The following LRRC7 variants were observed in gnomAD, a reference collection of about 807,000 sequenced individuals.
LRRC7 encodes the protein leucine-rich repeat-containing protein 7.
Under a neutral mutation model 175.7 loss-of-function variants are expected in LRRC7, and 23 were observed. That is an observed-to-expected ratio of 0.13 (90% CI 0.09 to 0.19). The LOEUF (loss-of-function observed/expected upper bound fraction) is 0.19, where lower values mean the gene tolerates loss of function less well. Among genes scored for constraint, LRRC7 ranks in the 10% least tolerant of loss-of-function variants. The pLI is 1.00. For missense variants in LRRC7, 1,354 were observed against 1,904.7 expected (o/e 0.71, Z 5.38); for synonymous variants, 685 against 680.9 (o/e 1.01, Z -0.09).
chr1:69,682,274 C>T (rs1198532811), intron 2 of LRRC7, among the ~76,000 whole-genome samples: 1 of 152,038 alleles, frequency 6.6e-6, no homozygotes, highest in Non-Finnish European at 1.5e-5. Context: ...TTGATTAACT[C>T]AAAATGTGGG....
intron 2 of LRRC7, 131 bp from the exon 3 acceptor site, chr1:69,760,060 T>C (rs1212681297): frequency 1.5e-5 from 12 of 821,474 alleles, no homozygotes; most frequent in Non-Finnish European, 2.3e-5. Context: ...ACAATGCGTG[T>C]GTGTGTCCTA....
chr1:69,632,463 T>C (rs1451290090), intron 1 of LRRC7, among the ~76,000 whole-genome samples: 1 of 152,216 alleles, frequency 6.6e-6, no homozygotes, highest in Non-Finnish European at 1.5e-5. Context: ...TAATTTTGAT[T>C]AATCATTTTA....
At chr1:69,592,482 G>C (rs966004423) in intron 1 of LRRC7, among the ~76,000 whole-genome samples, 2 of 151,944 alleles carry the variant, frequency 1.3e-5, no homozygotes, top group Non-Finnish European at 2.9e-5. Context: ...GCTTTAAGTC[G>C]TTACATTAAA....
intron 7 of LRRC7, among the ~76,000 whole-genome samples, chr1:69,872,670 C>T (rs1423146375): frequency 6.6e-6 from 1 of 152,022 alleles, no homozygotes; most frequent in Non-Finnish European, 1.5e-5. Flanking sequence ...CCAAATTACA[C>T]ATATTTTCAT....
At chr1:70,032,286 A>G (rs1658828781) in intron 18 of LRRC7, among the ~76,000 whole-genome samples, 1 of 152,128 alleles carries the variant, frequency 6.6e-6, no homozygotes, top group Non-Finnish European at 1.5e-5. Flanking sequence ...TTGAGAATCA[A>G]GGGGTAGGGC....
Position 70,036,284 on chromosome 1 carries a change from T to G in LRRC7, c.2107+52T>G, listed in dbSNP as rs746995750. ...ATATGCTACAAATGCATGTGCATGA[T>G]GAATCGCCAGTTGTAAATTATGATA... On this transcript the variant is annotated intron_variant, in intron 19 of 26. Transcript: ENST00000651989. The G allele has an allele frequency of 5.4e-6, 8 of 1,488,376 alleles. No individual in the cohort carries two copies. In the Admixed American group the frequency reaches 1.4e-4, roughly 27 times the overall value. The allele number at this position is 1,488,376 out of a possible 1,614,324, so 92.2% of individuals were successfully genotyped here.
intron 1 of LRRC7, among the ~76,000 whole-genome samples, chr1:69,576,820 C>G (rs1211370205): frequency 6.6e-6 from 1 of 152,086 alleles, no homozygotes; most frequent in Non-Finnish European, 1.5e-5. Flanking sequence ...AATGTAATCC[C>G]ACACACCATT....
intron 3 of LRRC7, among the ~76,000 whole-genome samples, chr1:69,760,723 A>G (rs1670947641): frequency 6.6e-6 from 1 of 151,984 alleles, no homozygotes; most frequent in Admixed American, 6.6e-5. Flanking sequence ...GAAAAATATG[A>G]CACTACTCCA....
intron 3 of LRRC7, among the ~76,000 whole-genome samples, chr1:69,775,425 T>G (rs867668381): frequency 2.0e-5 from 3 of 152,336 alleles, no homozygotes; most frequent in Middle Eastern, 3.4e-3. Context: ...ATTCTAGAAG[T>G]GAGTCCAAAT....
intron 3 of LRRC7, among the ~76,000 whole-genome samples, chr1:69,769,101 C>A (rs918880118): frequency 6.6e-6 from 1 of 152,136 alleles, no homozygotes; most frequent in East Asian, 1.9e-4. Flanking sequence ...ACTATAGTTA[C>A]CAGTTATTAT....
chr1:69,856,806 AC>A (rs1683694421), intron 7 of LRRC7, among the ~76,000 whole-genome samples: 1 of 152,166 alleles, frequency 6.6e-6, no homozygotes, highest in Admixed American at 6.6e-5. Flanking sequence ...CAGAGACACA[AC>A]AAAAAAAGAG....
chr1:69,734,449 G>A (rs113633037), intron 2 of LRRC7, among the ~76,000 whole-genome samples: 9 of 151,930 alleles, frequency 5.9e-5, no homozygotes, highest in African/African-American at 2.2e-4. Context: ...TTATTTCTGA[G>A]TGAATAAGAG....
rs1330734794 is a variant in LRRC7, at chr1:70,097,796, A to AT, written c.4545+7983dup. On this transcript the variant is annotated intron_variant, in intron 25 of 26. Transcript: ENST00000651989. ...TCCCTACAAAGGACATGAACTCATC[A>AT]TTTTTTATGGCTGCATAGTATTCCA... Among the ~76,000 whole-genome samples, 138 of 151,098 alleles carry AT rather than the reference A, an allele frequency of 9.1e-4. 2 individuals are homozygous for AT. Among genetic ancestry groups the AT allele is most frequent in the African/African-American group, 3.1e-3 (128 of 41,078 alleles).
At chr1:69,715,701 G>A (rs899318925) in intron 2 of LRRC7, among the ~76,000 whole-genome samples, 4 of 151,786 alleles carry the variant, frequency 2.6e-5, no homozygotes, top group East Asian at 1.9e-4. Context: ...AAATTTTATC[G>A]ATTCAGAATA....
chr1:69,605,253 T>C (rs1464291662), intron 1 of LRRC7, among the ~76,000 whole-genome samples: 2 of 152,192 alleles, frequency 1.3e-5, no homozygotes, highest in African/African-American at 4.8e-5. Context: ...CCTGCTGCTA[T>C]GTAAGACGTG....
intron 2 of LRRC7, among the ~76,000 whole-genome samples, chr1:69,690,321 T>A (rs997537088): frequency 6.6e-6 from 1 of 152,188 alleles, no homozygotes; most frequent in Non-Finnish European, 1.5e-5. Flanking sequence ...TAAAACTTCA[T>A]TCAACATGAA....
chr1:69,869,974 G>T (rs10493457), intron 7 of LRRC7, among the ~76,000 whole-genome samples: 4,295 of 152,202 alleles, frequency 0.028, 206 homozygotes, highest in African/African-American at 0.099. Context: ...AGATTGCAAA[G>T]ATTATATCTC....
intron 23 of LRRC7, among the ~76,000 whole-genome samples, chr1:70,060,554 G>A (rs1042990823): frequency 2.6e-5 from 4 of 151,922 alleles, no homozygotes; most frequent in Non-Finnish European, 5.9e-5. Flanking sequence ...AGAAATAGAA[G>A]AAAGTCTGAA....
chr1:69,958,311 C>T (rs1384893415), intron 8 of LRRC7, among the ~76,000 whole-genome samples: 3 of 151,942 alleles, frequency 2.0e-5, no homozygotes, highest in African/African-American at 4.8e-5. Context: ...TTTCAGGGAT[C>T]CTAGCTCCAA....
Sources: allele counts gnomAD v4.1 joint callset (sites outside exome capture counted in the v4.1 genomes callset), GRCh38; gene constraint gnomAD v4.1.1; transcripts MANE v1.5; gene names NCBI Gene and HGNC (gene_info 2026-07-23, HGNC 2026-07-21).